The following RNF180 variants were observed in gnomAD, a reference collection of about 807,000 sequenced individuals.
The protein encoded by RNF180 is E3 ubiquitin-protein ligase RNF180.
Under a neutral mutation model 59.2 loss-of-function variants are expected in RNF180, and 38 were observed. That is an observed-to-expected ratio of 0.64 (90% CI 0.50 to 0.84). RNF180 has a LOEUF of 0.84. Among genes scored for constraint, RNF180 ranks in the 40% least tolerant of loss-of-function variants. The pLI is 0.00. For synonymous variants in RNF180, 262 were observed against 240.3 expected, an observed-to-expected ratio of 1.09 and a Z score of -0.84; for missense variants, 705 against 700.9, an observed-to-expected ratio of 1.01 and a Z score of -0.07.
intron 1 of RNF180, among the ~76,000 whole-genome samples, chr5:64,198,504 TAAAAC>T (rs774758408): frequency 2.0e-5 from 3 of 152,208 alleles, no homozygotes; most frequent in Non-Finnish European, 4.4e-5. Context: ...AATGAAGACT[TAAAAC>T]AATCTCCTAC....
At chr5:64,308,047 C>G (rs1307610316) in intron 5 of RNF180, among the ~76,000 whole-genome samples, 1 of 151,578 alleles carries the variant, frequency 6.6e-6, no homozygotes, top group South Asian at 2.1e-4. Context: ...TTTAGAAGAG[C>G]TTAATAGTAT....
At chr5:64,249,326 C>G (rs1743410289) in intron 5 of RNF180, among the ~76,000 whole-genome samples, 1 of 152,128 alleles carries the variant, frequency 6.6e-6, no homozygotes, top group Non-Finnish European at 1.5e-5. Flanking sequence ...GAGAAAGAAG[C>G]AAATAACTTG....
chr5:64,239,172 A>C (rs904004538), intron 5 of RNF180, among the ~76,000 whole-genome samples: 1 of 152,294 alleles, frequency 6.6e-6, no homozygotes, highest in Non-Finnish European at 1.5e-5. Context: ...AGATGTAGGT[A>C]CTTTATAAAT....
At chr5:64,269,903 A>G (rs1377716045) in intron 5 of RNF180, among the ~76,000 whole-genome samples, 4 of 152,056 alleles carry the variant, frequency 2.6e-5, no homozygotes, top group African/African-American at 9.7e-5. Flanking sequence ...GGCACTCACT[A>G]CAGGAAATGC....
intron 5 of RNF180, among the ~76,000 whole-genome samples, chr5:64,275,296 T>G (rs1741653143): frequency 1.4e-5 from 2 of 144,120 alleles, no homozygotes; most frequent in South Asian, 4.5e-4. Flanking sequence ...AGAATAAGAT[T>G]TAGAGAATAA....
Position 64,200,790 on chromosome 5 carries a change from G to A in RNF180, c.1-18G>A, listed in dbSNP as rs1751701599. ...TCTGACAGTTTAACATTCTAAAAAT[G>A]CACTAATGTTTCCGCAGATGAAAAG... On this transcript the variant is annotated intron_variant, in intron 1 of 7. Transcript: ENST00000389100. 3.1e-6 allele frequency: 5 copies of A among 1,604,710 alleles called. No individual in the cohort carries two copies. The South Asian group carries it at 4.4e-5, about 14-fold the overall frequency.
chr5:64,317,201 T>A (rs1445614644), intron 5 of RNF180, among the ~76,000 whole-genome samples: 2 of 152,098 alleles, frequency 1.3e-5, no homozygotes, highest in African/African-American at 4.8e-5. Flanking sequence ...AGCTATTGGT[T>A]TGGTTCCAGA....
intron 6 of RNF180, among the ~76,000 whole-genome samples, chr5:64,327,263 T>C (rs1442089268): frequency 3.3e-5 from 5 of 152,092 alleles, no homozygotes; most frequent in African/African-American, 1.2e-4. Flanking sequence ...TTGTTGTTGT[T>C]TTCTTAGTCT....
chr5:64,187,399 G>A (rs1750924836), intron 1 of RNF180, among the ~76,000 whole-genome samples: 2 of 152,132 alleles, frequency 1.3e-5, no homozygotes, highest in Non-Finnish European at 2.9e-5. Context: ...GTGGCTAGAT[G>A]GAGATAGGAA....
At chr5:64,337,210 A>G (rs898838643) in intron 7 of RNF180, among the ~76,000 whole-genome samples, 17 of 151,844 alleles carry the variant, frequency 1.1e-4, no homozygotes, top group Non-Finnish European at 5.9e-5. Context: ...GGCTCTCACT[A>G]TGTTGCCTAG....
intron 5 of RNF180, among the ~76,000 whole-genome samples, chr5:64,294,626 A>C (rs989669665): frequency 6.6e-6 from 1 of 152,212 alleles, no homozygotes; most frequent in African/African-American, 2.4e-5. Flanking sequence ...AGTGCTTCCA[A>C]TTTAGATCCT....
chr5:64,180,785 G>A lies in RNF180; in HGVS notation c.-1+14832G>A, dbSNP rs115551960. ...GAAAGACATCCCTTTTCGCCTCTCA[G>A]ATTCTCAGATACTACTCTGTGAGGC... On this transcript the variant is annotated intron_variant, in intron 1 of 7. Transcript: ENST00000389100. Among the ~76,000 whole-genome samples the A allele has an allele frequency of 4.8e-3, 738 of 152,244 alleles. 12 individuals are homozygous for A. The highest frequency in any genetic ancestry group is 0.016 in the African/African-American group (679 of 41,520).
At chr5:64,318,488 AGGTAAAT>A in intron 5 of RNF180, among the ~76,000 whole-genome samples, 1 of 152,178 alleles carries the variant, frequency 6.6e-6, no homozygotes, top group South Asian at 2.1e-4. Context: ...TAATATTTTC[AGGTAAAT>A]GGTAAATGAA....
intron 5 of RNF180, among the ~76,000 whole-genome samples, chr5:64,302,589 G>T (rs1233113720): frequency 6.6e-6 from 1 of 151,588 alleles, no homozygotes; most frequent in Non-Finnish European, 1.5e-5. Flanking sequence ...GCAAGAAGCT[G>T]TCATGGCAGA....
At chr5:64,183,864 A>C (rs886795296) in intron 1 of RNF180, among the ~76,000 whole-genome samples, 2 of 152,252 alleles carry the variant, frequency 1.3e-5, no homozygotes, top group Non-Finnish European at 2.9e-5. Context: ...TTTCTAAAAC[A>C]TCAGTCTCTA....
At chr5:64,357,056 A>C (rs1379973998) in intron 7 of RNF180, among the ~76,000 whole-genome samples, 1 of 151,902 alleles carries the variant, frequency 6.6e-6, no homozygotes, top group Non-Finnish European at 1.5e-5. Context: ...TATTGAACCG[A>C]AACAAAAAAA....
At chr5:64,218,247 T>G (rs1159329363) in intron 5 of RNF180, among the ~76,000 whole-genome samples, 1 of 152,170 alleles carries the variant, frequency 6.6e-6, no homozygotes, top group Non-Finnish European at 1.5e-5. Flanking sequence ...AGTTTTATAG[T>G]TTTAAGTTTT....
At chr5:64,277,002 A>G (rs187957986) in intron 5 of RNF180, among the ~76,000 whole-genome samples, 166 of 152,058 alleles carry the variant, frequency 1.1e-3, no homozygotes, top group African/African-American at 3.9e-3. Context: ...CATAGGTCCT[A>G]CTTGCTCAGC....
chr5:64,235,901 G>A (rs919086676), intron 5 of RNF180, among the ~76,000 whole-genome samples: 1 of 152,196 alleles, frequency 6.6e-6, no homozygotes, highest in African/African-American at 2.4e-5. Context: ...CCCTAGCCAT[G>A]TGGAACTGTG....
Sources: gnomAD v4.1 joint callset for allele counts (sites outside exome capture counted in the v4.1 genomes callset) on GRCh38, gnomAD v4.1.1 for gene constraint, MANE v1.5 for transcripts, NCBI Gene and HGNC (gene_info 2026-07-23, HGNC 2026-07-21) for gene names.